LAMA2: variants seen among roughly 807,000 people sequenced by gnomAD.
The protein encoded by LAMA2 is laminin subunit alpha-2.
In LAMA2, 269 loss-of-function variants were observed where a neutral mutation model predicts 364.8. The ratio of observed to expected loss-of-function variants is 0.74; its 90% CI spans 0.67 to 0.82. The LOEUF (loss-of-function observed/expected upper bound fraction) is 0.82. LAMA2 is among the 40% of genes least tolerant of loss of function. The pLI is 0.00. For missense variants in LAMA2, 3,807 were observed against 3,873.2 expected (o/e 0.98, Z 0.45); for synonymous variants, 1,379 against 1,370.6 (o/e 1.01, Z -0.14).
intron 19 of LAMA2, among the ~76,000 whole-genome samples, chr6:129,289,710 A>C (rs1214093437): frequency 6.6e-6 from 1 of 152,044 alleles, no homozygotes; most frequent in African/African-American, 2.4e-5. Context: ...GGATTATTTT[A>C]TTATGGTAAT....
At chr6:129,404,398 A>G (rs1448905437) in intron 40 of LAMA2, among the ~76,000 whole-genome samples, 2 of 152,198 alleles carry the variant, frequency 1.3e-5, no homozygotes, top group African/African-American at 4.8e-5. Flanking sequence ...ATGCTTCTAA[A>G]CAATTTATAC....
At chr6:129,031,043 A>G (rs571245915) in intron 1 of LAMA2, among the ~76,000 whole-genome samples, 10 of 152,346 alleles carry the variant, frequency 6.6e-5, no homozygotes, top group Admixed American at 5.2e-4. Context: ...ATGCTGAATG[A>G]CTGTAAAATG....
intron 57 of LAMA2, 36 bp from the exon 58 acceptor site, chr6:129,492,279 G>A (rs529313423): frequency 2.9e-5 from 46 of 1,605,388 alleles, no homozygotes; most frequent in East Asian, 2.2e-4. Context: ...GCAAAAAAAC[G>A]AAAATAAAAA....
chr6:129,116,541 T>C (rs1776493751), intron 4 of LAMA2, among the ~76,000 whole-genome samples: 1 of 152,090 alleles, frequency 6.6e-6, no homozygotes, highest in Non-Finnish European at 1.5e-5. Flanking sequence ...AGAACCAAGA[T>C]GATTTGTGTG....
intron 40 of LAMA2, among the ~76,000 whole-genome samples, chr6:129,423,820 A>G (rs1781197038): frequency 2.0e-5 from 3 of 152,214 alleles, no homozygotes; most frequent in East Asian, 1.9e-4. Context: ...CAATATTCCT[A>G]TAATCCTAGT....
chr6:129,411,245 C>G (rs1780525493), intron 40 of LAMA2, among the ~76,000 whole-genome samples: 1 of 152,200 alleles, frequency 6.6e-6, no homozygotes, highest in African/African-American at 2.4e-5. Context: ...CTCTTACTTG[C>G]TACAGTTGTC....
Position 129,267,229 on chromosome 6 carries a change from C to T in LAMA2, c.2322+10C>T, listed in dbSNP as rs768864490. Reference sequence around the variant, plus strand: ...CACTGGAGAATGCCTGGTAAGTGCTCTCTTCTTTGGGGATGCTGATTGACA... The same window carrying T: ...CACTGGAGAATGCCTGGTAAGTGCTTTCTTCTTTGGGGATGCTGATTGACA... On this transcript the variant is annotated intron_variant, in intron 16 of 64. Transcript: ENST00000421865. 1.9e-6 allele frequency: 3 copies of T among 1,555,738 alleles called. No homozygotes were observed. The highest frequency in any genetic ancestry group is 2.7e-6 in the Non-Finnish European group (3 of 1,126,794).
intron 40 of LAMA2, among the ~76,000 whole-genome samples, chr6:129,420,785 C>G (rs1345155760): frequency 6.6e-6 from 1 of 152,118 alleles, no homozygotes; most frequent in Non-Finnish European, 1.5e-5. Flanking sequence ...CACTGGGGTA[C>G]AGGTTAGTCA....
rs188406705 is a variant in LAMA2, at chr6:128,903,555, C to T, written c.112+20198C>T. ...ACTGTTGGTTTGAAATGAGATACAA[C>T]TTATGGATTATAAATATGTTTGTGC... is the stretch of plus-strand genomic sequence containing the variant. On this transcript the variant is annotated intron_variant, in intron 1 of 64. Coordinates refer to ENST00000421865, the MANE Select transcript of LAMA2 (RefSeq NM_000426.4). 7.5e-3 allele frequency among the ~76,000 whole-genome samples: 1,134 copies of T among 152,194 alleles called. 11 individuals carry two copies. The highest frequency in any genetic ancestry group is 0.013 in the Non-Finnish European group (855 of 68,018).
intron 35 of LAMA2, among the ~76,000 whole-genome samples, chr6:129,387,840 G>A (rs894377052): frequency 6.6e-6 from 1 of 152,182 alleles, no homozygotes; most frequent in Non-Finnish European, 1.5e-5. Flanking sequence ...CTCATAAGTG[G>A]GAGTTGAACA....
At chr6:129,500,848 T>C (rs1009827547) in intron 58 of LAMA2, among the ~76,000 whole-genome samples, 2 of 152,216 alleles carry the variant, frequency 1.3e-5, no homozygotes, top group Non-Finnish European at 2.9e-5. Flanking sequence ...TAAATTTTAA[T>C]AGAGAAGTTA....
chr6:129,290,920 A>G (rs919636560), intron 19 of LAMA2, among the ~76,000 whole-genome samples: 14 of 152,218 alleles, frequency 9.2e-5, no homozygotes, highest in African/African-American at 3.1e-4. Context: ...TATAGTCTTA[A>G]GATACTTGAA....
chr6:129,056,653 C>G (rs1467628520), intron 2 of LAMA2, among the ~76,000 whole-genome samples: 2 of 152,028 alleles, frequency 1.3e-5, no homozygotes, highest in South Asian at 2.1e-4. Context: ...AATGTTATGA[C>G]AGTGTATTAT....
intron 6 of LAMA2, among the ~76,000 whole-genome samples, chr6:129,147,640 A>G (rs1778548349): frequency 6.6e-6 from 1 of 152,068 alleles, no homozygotes. Context: ...AAGATGAATG[A>G]GCATCTATTT....
chr6:129,330,598 GTTTT>G (rs1554273762), intron 29 of LAMA2, among the ~76,000 whole-genome samples: 2 of 88,680 alleles, frequency 2.3e-5, no homozygotes, highest in African/African-American at 7.8e-5. Flanking sequence ...TTTGGTTTTT[GTTTT>G]TTTTTTTTTT....
chr6:129,162,422 T>C (rs1779493387), intron 8 of LAMA2, among the ~76,000 whole-genome samples: 2 of 152,080 alleles, frequency 1.3e-5, no homozygotes, highest in African/African-American at 2.4e-5. Flanking sequence ...TTCTAGCTTA[T>C]ATATATTGCC....
intron 40 of LAMA2, among the ~76,000 whole-genome samples, chr6:129,416,539 A>G (rs1162194932): frequency 1.3e-5 from 2 of 152,078 alleles, no homozygotes; most frequent in Non-Finnish European, 2.9e-5. Context: ...GGCCAGTTCC[A>G]TCGCCCAGAG....
chr6:129,254,099 A>G (rs900430697), intron 14 of LAMA2, among the ~76,000 whole-genome samples: 1 of 152,192 alleles, frequency 6.6e-6, no homozygotes, highest in Non-Finnish European at 1.5e-5. Context: ...ATTGATTTCA[A>G]CTTGTCTTGC....
chr6:129,241,258 A>G (rs1189178162), intron 12 of LAMA2, among the ~76,000 whole-genome samples: 1 of 152,224 alleles, frequency 6.6e-6, no homozygotes, highest in Non-Finnish European at 1.5e-5. Flanking sequence ...ATGCTTATGC[A>G]AAATTCCATA....
Sources: gnomAD v4.1 joint callset for allele counts (sites outside exome capture counted in the v4.1 genomes callset) on GRCh38, gnomAD v4.1.1 for gene constraint, MANE v1.5 for transcripts, NCBI Gene and HGNC (gene_info 2026-07-23, HGNC 2026-07-21) for gene names.